ADAT1: variants seen among roughly 807,000 people sequenced by gnomAD.
ADAT1 encodes tRNA-specific adenosine deaminase 1.
Under a neutral mutation model 58.6 loss-of-function variants are expected in ADAT1, and 58 were observed. The ratio of observed to expected loss-of-function variants is 0.99; its 90% CI spans 0.80 to 1.23. ADAT1 has a LOEUF of 1.23. Ranked by LOEUF, ADAT1 falls within the 50% of genes most tolerant of loss-of-function variation. The pLI is 0.00. For synonymous variants in ADAT1, 254 were observed against 220.8 expected, an observed-to-expected ratio of 1.15 and a Z score of -1.33; for missense variants, 741 against 608.6, an observed-to-expected ratio of 1.22 and a Z score of -2.29.
Position 75,599,987 on chromosome 16 carries a change from A to C in ADAT1, c.*229T>G. 1 of 1,281,722 alleles carries C rather than the reference A, an allele frequency of 7.8e-7. No individual in the cohort carries two copies. The highest frequency in any genetic ancestry group is 9.9e-7 in the Non-Finnish European group (1 of 1,011,392). 79.4% of individuals were successfully genotyped at this position (1,281,722 alleles called of 1,614,324 possible). The stretch of plus-strand genomic sequence containing the variant: ...TATTTTAGAGAAGCAATAAAACACA[A>C]TGGAAGTCAGATAGTGAGGTCATTA... On this transcript the variant is annotated 3_prime_UTR_variant, in exon 10 of 10. Transcript: ENST00000564657.
rs2081081637 is a variant in ADAT1 at position 75,596,898 on chromosome 16, G to C, written c.*3318C>G. On this transcript the variant is annotated 3_prime_UTR_variant, in exon 10 of 10. Coordinates refer to ENST00000564657, the MANE Select transcript of ADAT1 (RefSeq NM_001324445.2). Reference sequence around the variant, plus strand: ...ACAACTGATTTTTATTCCATAAATAGTAATAAAGTACTGATTCATGCTACA... The same window carrying C: ...ACAACTGATTTTTATTCCATAAATACTAATAAAGTACTGATTCATGCTACA... The C allele has an allele frequency of 6.6e-6, 1 of 151,988 alleles. No individual in the cohort carries two copies. The highest frequency in any genetic ancestry group is 2.4e-5 in the African/African-American group (1 of 41,350). The allele number at this position is 151,988 out of a possible 1,614,324, so 9.4% of individuals were successfully genotyped here.
At chr16:75,612,122 C>G (rs1250544350) in intron 6 of ADAT1, 121 bp downstream of exon 6, 6 of 1,182,800 alleles carry the variant, frequency 5.1e-6, no homozygotes, top group Non-Finnish European at 7.1e-6. Flanking sequence ...TTCCTTAAGA[C>G]AAATTCCTGG....
intron 7 of ADAT1, 73 bp from the exon 8 acceptor site, chr16:75,608,396 T>A: frequency 1.5e-6 from 2 of 1,317,248 alleles, no homozygotes; most frequent in Non-Finnish European, 2.2e-6. Flanking sequence ...TTAATAAAAA[T>A]ATTTCTCTGA....
At chr16:75,616,744 C>CA (rs1350244850) in intron 5 of ADAT1, among the ~76,000 whole-genome samples, 1 of 152,174 alleles carries the variant, frequency 6.6e-6, no homozygotes, top group Non-Finnish European at 1.5e-5. Context: ...CTCAGTATGT[C>CA]ATATCGTGCC....
rs764084011 is a variant in ADAT1 at position 75,600,278 on chromosome 16, G to A, written c.1447C>T (p.Leu483Phe). Reference protein sequence around the residue: ...ASSYQEAWSTLRKQVFGSWIR... With the variant: ...ASSYQEAWSTFRKQVFGSWIR... Reference sequence around the variant, plus strand: ...CAGGATCCAAACACCTGCTTCCGGAGTGTGCTCCAGGCTTCCTGGTAAGAG... The same window carrying A: ...CAGGATCCAAACACCTGCTTCCGGAATGTGCTCCAGGCTTCCTGGTAAGAG... Residue 483 changes from leucine to phenylalanine, a missense_variant, in exon 10 of 10, where the codon CTC becomes TTC. Leu to Phe is a conservative substitution (Grantham distance 22). Transcript: ENST00000564657. 3.7e-6 allele frequency: 6 copies of A among 1,614,156 alleles called. No homozygotes were observed. Among genetic ancestry groups the A allele is most frequent in the South Asian group, 1.1e-5 (1 of 91,088 alleles).
rs2081112995 is a variant in ADAT1, at chr16:75,597,839, G to C, written c.*2377C>G. Reference sequence around the variant, plus strand: ...TAATGCCACTGCTGGTATGACAGGAGGAGGAGCTACGGCAGAAATGTGAGC... The same window carrying C: ...TAATGCCACTGCTGGTATGACAGGACGAGGAGCTACGGCAGAAATGTGAGC... On this transcript the variant is annotated 3_prime_UTR_variant, in exon 10 of 10. Coordinates refer to ENST00000564657, the MANE Select transcript of ADAT1 (RefSeq NM_001324445.2). Among the ~76,000 whole-genome samples, 1 of 152,214 alleles carries C rather than the reference G, an allele frequency of 6.6e-6. No homozygotes were observed. Among genetic ancestry groups the C allele is most frequent in the South Asian group, 2.1e-4 (1 of 4,828 alleles).
rs76316038 is a variant in ADAT1, at chr16:75,612,850, A to T, written c.436T>A (p.Ser146Thr). Residue 146 changes from serine (S) to threonine (T), a missense_variant, in exon 6 of 10, where the codon TCC becomes ACC. Physicochemically the swap from Ser to Thr is moderately conservative, Grantham distance 58 (BLOSUM62 1). Transcript: ENST00000564657. ...TCAAACTCAAGCATCGGAATGATGG[A>T]GGCATCCCCACCTGCAGAGAATGAA... ...FSSHTPCGDA[S>T]IIPMLEFEDQ... is the part of the protein sequence containing the mutation. The T allele has an allele frequency of 1.2e-6, 2 of 1,613,480 alleles. No homozygotes were observed. Among genetic ancestry groups the T allele is most frequent in the Non-Finnish European group, 1.7e-6 (2 of 1,179,788 alleles).
chr16:75,620,677 T>C lies in ADAT1; in HGVS notation c.123A>G (p.Gln41=), dbSNP rs753394982. 10 of 1,613,896 alleles carry C rather than the reference T, an allele frequency of 6.2e-6. No homozygotes were observed. In the South Asian group the frequency reaches 6.6e-5, roughly 11 times the overall value. ...WTLLAAVVKI[Q]SPADKACDTP... is the part of the protein sequence containing the mutation. ...TGTCGCAGGCCTTGTCAGCTGGAGA[T>C]TGTATCTTCACCACCGCTGCCAATA... Residue 41 remains glutamine (Q), a synonymous_variant, in exon 2 of 10, where the codon CAA becomes CAG. Transcript: ENST00000564657.
chr16:75,612,989 G>T lies in ADAT1; in HGVS notation c.425-128C>A, dbSNP rs1231186580. Reference sequence around the variant, plus strand: ...GACCCACAGTAGACCTGCTGAATCAGAAACTCCGGAGGCAGAGCCCAGCAG... The same window carrying T: ...GACCCACAGTAGACCTGCTGAATCATAAACTCCGGAGGCAGAGCCCAGCAG... On this transcript the variant is annotated intron_variant, in intron 5 of 9. Coordinates refer to ENST00000564657, the MANE Select transcript of ADAT1 (RefSeq NM_001324445.2). The T allele has an allele frequency of 2.6e-6, 3 of 1,150,016 alleles. No individual in the cohort carries two copies. In the African/African-American group the frequency reaches 4.7e-5, roughly 18 times the overall value. The allele number at this position is 1,150,016 out of a possible 1,614,324, so 71.2% of individuals were successfully genotyped here.
chr16:75,599,600 T>A lies in ADAT1; in HGVS notation c.*616A>T, dbSNP rs1389060252. The A allele has an allele frequency of 7.1e-6, 7 of 985,814 alleles. No individual in the cohort carries two copies. Among genetic ancestry groups the A allele is most frequent in the Non-Finnish European group, 8.4e-6 (7 of 830,012 alleles). The allele number at this position is 985,814 out of a possible 1,614,324, so 61.1% of individuals were successfully genotyped here. ...AAGATGGCCACCGGCAGTCCCATGA[T>A]TATGTGACCCTTACAGCTCCAGATC... On this transcript the variant is annotated 3_prime_UTR_variant, in exon 10 of 10. Transcript: ENST00000564657.
At chr16:75,604,964 A>T (rs941392149) in intron 8 of ADAT1, among the ~76,000 whole-genome samples, 1 of 152,162 alleles carries the variant, frequency 6.6e-6, no homozygotes, top group Non-Finnish European at 1.5e-5. Context: ...AACTAGCAAG[A>T]CCAAACCCTC....
Position 75,599,529 on chromosome 16 carries a change from C to A in ADAT1, c.*687G>T. The A allele has an allele frequency of 1.0e-6, 1 of 985,878 alleles. No homozygotes were observed. 61.1% of individuals were successfully genotyped at this position (985,878 alleles called of 1,614,324 possible). ...AGATCTTTGATTCTCTTGGCTGTTT[C>A]CTTTGTTGCCTTCATTCTTTGCTGG... On this transcript the variant is annotated 3_prime_UTR_variant, in exon 10 of 10. Transcript: ENST00000564657.
At chr16:75,604,746 C>T (rs1307753137) in intron 8 of ADAT1, among the ~76,000 whole-genome samples, 2 of 151,986 alleles carry the variant, frequency 1.3e-5, no homozygotes, top group Non-Finnish European at 2.9e-5. Context: ...ACAGAAGGTT[C>T]TGGCCAGCAG....
Position 75,612,799 on chromosome 16 carries a change from T to C in ADAT1, c.487A>G (p.Arg163Gly). Residue 163 changes from arginine (R) to glycine (G), a missense_variant, in exon 6 of 10, where the codon AGA becomes GGA. Arg to Gly is a moderately radical substitution (Grantham distance 125, BLOSUM62 -2). Transcript: ENST00000564657. ...ACTGATGAGTTGTGGGCCCAATTTC[T>C]GAAGACAGGACAGCAAGGCTGATCT... ...FEDQPCCPVF[R>G]NWAHNSSVEA... 2 of 1,614,134 alleles carry C rather than the reference T, an allele frequency of 1.2e-6. No homozygotes were observed. Among genetic ancestry groups the C allele is most frequent in the Non-Finnish European group, 1.7e-6 (2 of 1,180,030 alleles).
At chr16:75,605,003 C>T (rs2151749000) in intron 8 of ADAT1, among the ~76,000 whole-genome samples, 1 of 152,328 alleles carries the variant, frequency 6.6e-6, no homozygotes, top group East Asian at 1.9e-4. Flanking sequence ...TCAGCCTACT[C>T]AACATGAAGA....
At chr16:75,620,150 T>G (rs1242618539) in intron 3 of ADAT1, 116 bp downstream of exon 3, 1 of 993,432 alleles carries the variant, frequency 1.0e-6, no homozygotes, top group Middle Eastern at 2.1e-4. Context: ...TGATAGTCAG[T>G]AGGAAACAAA....
At chr16:75,620,947 A>G (rs1373438947) in intron 1 of ADAT1, 127 bp from the exon 2 acceptor site, 2 of 685,848 alleles carry the variant, frequency 2.9e-6, no homozygotes, top group African/African-American at 3.6e-5. Context: ...CTGGAACTCT[A>G]TGGATCATTT....
At chr16:75,600,920 T>A (rs2081211781) in intron 9 of ADAT1, among the ~76,000 whole-genome samples, 1 of 152,210 alleles carries the variant, frequency 6.6e-6, no homozygotes, top group South Asian at 2.1e-4. Context: ...AGCAACTCTG[T>A]CTCCTTTGTA....
chr16:75,609,095 T>C (rs1301607194), intron 6 of ADAT1, 107 bp from the exon 7 acceptor site: 2 of 1,343,396 alleles, frequency 1.5e-6, no homozygotes, highest in African/African-American at 1.5e-5. Flanking sequence ...GTGTGGGGAT[T>C]TGTTTATTTA....
Sources: gnomAD v4.1 joint callset for allele counts (sites outside exome capture counted in the v4.1 genomes callset) on GRCh38, gnomAD v4.1.1 for gene constraint, MANE v1.5 for transcripts, NCBI Gene and HGNC (gene_info 2026-07-23, HGNC 2026-07-21) for gene names.